GPC3: variants seen among roughly 807,000 people sequenced by gnomAD.
GPC3 encodes glypican-3.
In GPC3, 3 loss-of-function variants were observed where a neutral mutation model predicts 34.4. The ratio of observed to expected loss-of-function variants is 0.09; its 90% CI spans 0.04 to 0.23. The LOEUF is 0.23. Ranked by LOEUF, GPC3 falls within the 10% of genes least tolerant of loss-of-function variation. The pLI is 1.00. For synonymous variants in GPC3, 177 were observed against 174.0 expected (o/e 1.02, Z -0.13); for missense variants, 351 against 445.6 (o/e 0.79, Z 1.91).
At chrX:133,683,523 C>T (rs777839318) in intron 5 of GPC3, among the ~76,000 whole-genome samples, 5 of 111,921 alleles carry the variant, frequency 4.5e-5, no homozygotes, top group Admixed American at 9.5e-5. Flanking sequence ...CTCTTTGTAT[C>T]ACAAAATGAT....
At chrX:133,737,769 C>T (rs980664177) in intron 3 of GPC3, among the ~76,000 whole-genome samples, 3 of 111,368 alleles carry the variant, frequency 2.7e-5, no homozygotes, top group Non-Finnish European at 5.6e-5. Flanking sequence ...ATAGTAGTCT[C>T]ACATACTAAA....
intron 7 of GPC3, among the ~76,000 whole-genome samples, chrX:133,578,076 G>A (rs1417988767): frequency 8.9e-6 from 1 of 112,123 alleles, no homozygotes; most frequent in East Asian, 2.8e-4. Flanking sequence ...GCTTAAAACT[G>A]TGCCGGGCAC....
chrX:133,966,925 A>G (rs1397659479), intron 1 of GPC3, among the ~76,000 whole-genome samples: 1 of 112,212 alleles, frequency 8.9e-6, no homozygotes, highest in African/African-American at 3.2e-5. Context: ...AATGCAAATC[A>G]GAATCCTCAC....
intron 2 of GPC3, among the ~76,000 whole-genome samples, chrX:133,872,576 G>A (rs2075998478): frequency 9.0e-6 from 1 of 111,561 alleles, no homozygotes; most frequent in Non-Finnish European, 1.9e-5. Flanking sequence ...GGCCTTTGGT[G>A]GAACCTTGAG....
intron 2 of GPC3, among the ~76,000 whole-genome samples, chrX:133,762,564 C>T (rs761002376): frequency 7.2e-5 from 8 of 111,769 alleles, no homozygotes; most frequent in Non-Finnish European, 1.1e-4. Flanking sequence ...CATGAACACA[C>T]ACTTCTCAAA....
At chrX:133,804,415 T>C (rs1187520098) in intron 2 of GPC3, among the ~76,000 whole-genome samples, 1 of 110,051 alleles carries the variant, frequency 9.1e-6, no homozygotes, top group African/African-American at 3.3e-5. Context: ...TACTAACTCA[T>C]CCCATCCTAG....
intron 3 of GPC3, chrX:133,704,104 C>T (rs756436327): frequency 1.5e-4 from 60 of 407,663 alleles, no homozygotes; most frequent in Non-Finnish European, 2.3e-4. Context: ...TCATGCAGAG[C>T]CCAGTAGGCT....
intron 3 of GPC3, among the ~76,000 whole-genome samples, chrX:133,750,993 G>T (rs1370120100): frequency 1.8e-5 from 2 of 109,088 alleles, no homozygotes; most frequent in Non-Finnish European, 3.8e-5. Flanking sequence ...GAATTGATTA[G>T]AAGTAGGAGG....
intron 2 of GPC3, among the ~76,000 whole-genome samples, chrX:133,830,483 A>G (rs1038685588): frequency 3.4e-4 from 38 of 110,153 alleles, no homozygotes; most frequent in African/African-American, 1.2e-3. Flanking sequence ...GTTCGAGACC[A>G]GCCTGGCCAA....
chrX:133,626,718 G>A (rs2070301146), intron 6 of GPC3, among the ~76,000 whole-genome samples: 1 of 107,202 alleles, frequency 9.3e-6, no homozygotes, highest in Non-Finnish European at 1.9e-5. Flanking sequence ...CTGTTGGTGG[G>A]ACTGTATACT....
At chrX:133,812,570 C>T (rs1344800487) in intron 2 of GPC3, among the ~76,000 whole-genome samples, 1 of 112,158 alleles carries the variant, frequency 8.9e-6, no homozygotes, top group Non-Finnish European at 1.9e-5. Context: ...TCTCTTGTAA[C>T]TGGACTCTTG....
At chrX:133,657,898 C>CAGAG (rs749162174) in intron 6 of GPC3, among the ~76,000 whole-genome samples, 4,993 of 85,473 alleles carry the variant, frequency 0.058, 351 homozygotes, top group African/African-American at 0.18. Context: ...GGCATACATG[C>CAGAG]AGAGAGAGAG....
chrX:133,672,776 G>A (rs1023960417), intron 5 of GPC3, among the ~76,000 whole-genome samples: 5 of 102,070 alleles, frequency 4.9e-5, no homozygotes, highest in African/African-American at 1.5e-4. Flanking sequence ...TCAGCCTCCC[G>A]AGTAGCTGGG....
chrX:133,904,406 A>G (rs183974448), intron 2 of GPC3, among the ~76,000 whole-genome samples: 188 of 111,949 alleles, frequency 1.7e-3, no homozygotes, highest in African/African-American at 5.7e-3. Flanking sequence ...CACCAGAAAG[A>G]ACCAAGGAAT....
At chrX:133,639,379 T>C (rs2124378976) in intron 6 of GPC3, among the ~76,000 whole-genome samples, 1 of 112,221 alleles carries the variant, frequency 8.9e-6, no homozygotes, top group Non-Finnish European at 1.9e-5. Flanking sequence ...AAAGGCTTTT[T>C]GAGGGTGGTA....
At chrX:133,968,154 T>C (rs898769726) in intron 1 of GPC3, among the ~76,000 whole-genome samples, 4 of 112,398 alleles carry the variant, frequency 3.6e-5, no homozygotes, top group African/African-American at 1.3e-4. Flanking sequence ...AACCCCAGGC[T>C]GCTGGGCTGC....
At chrX:133,563,250 G>A (rs1367187765) in intron 7 of GPC3, among the ~76,000 whole-genome samples, 2 of 111,692 alleles carry the variant, frequency 1.8e-5, no homozygotes, top group Non-Finnish European at 3.8e-5. Context: ...TTGTTTTAGA[G>A]AAGGGATCTC....
At chrX:133,588,115 A>C (rs952299304) in intron 7 of GPC3, among the ~76,000 whole-genome samples, 6 of 111,717 alleles carry the variant, frequency 5.4e-5, no homozygotes, top group Admixed American at 9.5e-5. Flanking sequence ...GGAGGCAGTC[A>C]CTACAAGATC....
rs147558593 is a variant in GPC3 at position 133,639,760 on chromosome X, G to C, written c.1413+21970C>G. 3.8e-3 allele frequency among the ~76,000 whole-genome samples: 429 copies of C among 111,970 alleles called. 2 individuals are homozygous for C. The highest frequency in any genetic ancestry group is 7.0e-3 in the Non-Finnish European group (375 of 53,235). Reference sequence around the variant, plus strand: ...GAACATTTTGCAGACCATTAAGAATGAGGGCTTCTGTTTAGGCAGTACTGG... The same window carrying C: ...GAACATTTTGCAGACCATTAAGAATCAGGGCTTCTGTTTAGGCAGTACTGG... On this transcript the variant is annotated intron_variant, in intron 6 of 7. Coordinates refer to ENST00000370818, the MANE Select transcript of GPC3 (RefSeq NM_004484.4).
Sources: allele counts gnomAD v4.1 joint callset (sites outside exome capture counted in the v4.1 genomes callset), GRCh38; gene constraint gnomAD v4.1.1; transcripts MANE v1.5; gene names NCBI Gene and HGNC (gene_info 2026-07-23, HGNC 2026-07-21).